Variants in SCARB2 observed in about 807,000 individuals in gnomAD.
SCARB2 encodes scavenger receptor class B member 2.
A neutral mutation model predicts 58.6 loss-of-function variants in SCARB2; 29 were observed. The ratio of observed to expected loss-of-function variants is 0.49; its 90% confidence interval spans 0.37 to 0.67. The LOEUF (loss-of-function observed/expected upper bound fraction) is 0.67. Ranked by LOEUF, SCARB2 falls within the 30% of genes least tolerant of loss-of-function variation. SCARB2 has a pLI of 0.00. For missense variants in SCARB2, 488 were observed against 578.5 expected (o/e 0.84, Z 1.60); for synonymous variants, 195 against 210.1 (o/e 0.93, Z 0.62).
chr4:76,177,080 C>G (rs1049150021), intron 4 of SCARB2: 1 of 152,380 alleles, frequency 6.6e-6, no homozygotes, highest in Non-Finnish European at 1.5e-5. Context: ...TAGGGCCTAA[C>G]TGCTACACAA....
rs1373775213 is a variant in SCARB2, at chr4:76,163,388, A to G, written c.1240-5T>C. The G allele has an allele frequency of 6.2e-7, 1 of 1,614,144 alleles. No homozygotes were observed. The highest frequency in any genetic ancestry group is 1.1e-5 in the South Asian group (1 of 91,082). On this transcript the variant is annotated splice_polypyrimidine_tract_variant and splice_region_variant and intron_variant, in intron 10 of 11. Coordinates refer to ENST00000264896, the MANE Select transcript of SCARB2 (RefSeq NM_005506.4). ...CTCTTTATCAATGTGAACACTCTGG[A>G]GAGGCAAGAAAATAGTATTCTTGAT...
intron 1 of SCARB2, among the ~76,000 whole-genome samples, chr4:76,199,861 TG>T (rs1016283051): frequency 6.6e-6 from 1 of 152,204 alleles, no homozygotes; most frequent in Admixed American, 6.5e-5. Flanking sequence ...AGTATGCTAA[TG>T]GGTCCAAAGA....
chr4:76,214,222 C>G, upstream of SCARB2: 1 of 454,562 alleles, frequency 2.2e-6, no homozygotes, highest in African/African-American at 2.0e-5. Context: ...GACACCGTTA[C>G]CGCAATTACA....
At chr4:76,214,602 A>T (rs1733164672), upstream of SCARB2, among the ~76,000 whole-genome samples, 1 of 152,182 alleles carries the variant, frequency 6.6e-6, no homozygotes, top group Admixed American at 6.5e-5. Flanking sequence ...GAAGGAGCTT[A>T]AAGCAGGCAT....
chr4:76,213,733 G>A lies in SCARB2; in HGVS notation c.-190C>T, dbSNP rs754587701. The A allele has an allele frequency of 1.5e-4, 72 of 491,576 alleles. No homozygotes were observed. The highest frequency in any genetic ancestry group is 5.5e-4 in the Middle Eastern group (1 of 1,830). The allele number at this position is 491,576 out of a possible 1,614,324, so 30.5% of individuals were successfully genotyped here. ...GCGAGCGCGGCCCCGGGTGCACCGG[G>A]CGGATGGGGCCGCGGAGGGACGGGC... On this transcript the variant is annotated 5_prime_UTR_variant, in exon 1 of 12. Transcript: ENST00000264896.
chr4:76,183,368 T>G (rs1177722936), intron 2 of SCARB2, among the ~76,000 whole-genome samples: 4 of 152,226 alleles, frequency 2.6e-5, no homozygotes, highest in African/African-American at 4.8e-5. Context: ...CTGTTTTACC[T>G]GTGCTTCTGA....
At chr4:76,233,586 GCACACACACA>G (rs34421184) in intron 1 of SCARB2, among the ~76,000 whole-genome samples, 1 of 150,762 alleles carries the variant, frequency 6.6e-6, no homozygotes, top group Non-Finnish European at 1.5e-5. Context: ...ACACACACAC[GCACACACACA>G]CACACACATA....
In SCARB2 at chr4:76,160,662, A is replaced by G. The variant is rs967831686; in HGVS notation, c.*1051T>C. ...AACTGAGGAAGGAACTTGTAAAAAG[A>G]ACTTCAAAATTACCAAGAAGGCGGC... On this transcript the variant is annotated 3_prime_UTR_variant, in exon 12 of 12. Coordinates refer to ENST00000264896, the MANE Select transcript of SCARB2 (RefSeq NM_005506.4). The G allele has an allele frequency of 2.0e-5, 3 of 152,234 alleles. No individual in the cohort carries two copies. Among genetic ancestry groups the G allele is most frequent in the Non-Finnish European group, 2.9e-5 (2 of 68,042 alleles). 9.4% of individuals were successfully genotyped at this position (152,234 alleles called of 1,614,324 possible). A position where few individuals can be genotyped will look rare whatever the true frequency, so the allele number is the denominator to read the frequency against.
In SCARB2 at chr4:76,160,684, CGG is replaced by C. The variant is rs1731878376; in HGVS notation, c.*1027_*1028del. The C allele has an allele frequency of 3.3e-5, 5 of 151,580 alleles. No homozygotes were observed. In the South Asian group the frequency reaches 8.3e-4, roughly 25 times the overall value. 9.4% of individuals were successfully genotyped at this position (151,580 alleles called of 1,614,324 possible). A position where few individuals can be genotyped will look rare whatever the true frequency, so the allele number is the denominator to read the frequency against. On this transcript the variant is annotated 3_prime_UTR_variant, in exon 12 of 12. Coordinates refer to ENST00000264896, the MANE Select transcript of SCARB2 (RefSeq NM_005506.4). ...AAGAACTTCAAAATTACCAAGAAGGCGGCTGTCCCAGAAGAAATATCTCTTTA... is the reference window on the plus strand; with the variant it reads ...AAGAACTTCAAAATTACCAAGAAGGCCTGTCCCAGAAGAAATATCTCTTTA...
chr4:76,171,570 G>C (rs749637954), intron 7 of SCARB2, among the ~76,000 whole-genome samples: 2 of 152,190 alleles, frequency 1.3e-5, no homozygotes, highest in African/African-American at 2.4e-5. Flanking sequence ...AGAGGAAAAG[G>C]ATTGTAGCAA....
exon 1 of SCARB2, chr4:76,234,354 T>C (rs6837231): frequency 0.71 from 109,000 of 152,638 alleles, 40,326 homozygotes; most frequent in East Asian, 0.81. Context: ...ACTTTTCCTT[T>C]GTGAAGCTAA....
intron 4 of SCARB2, among the ~76,000 whole-genome samples, chr4:76,178,294 A>T (rs1338255603): frequency 6.6e-6 from 1 of 152,250 alleles, no homozygotes; most frequent in Non-Finnish European, 1.5e-5. Flanking sequence ...AGGAGTGAAC[A>T]ATTGTTGAGT....
At chr4:76,203,492 T>C (rs1578737748) in intron 1 of SCARB2, among the ~76,000 whole-genome samples, 1 of 152,256 alleles carries the variant, frequency 6.6e-6, no homozygotes, top group Non-Finnish European at 1.5e-5. Context: ...ATCTTCTTGT[T>C]TGAACTTGCA....
At position 76,192,491 on chromosome 4, in the gene SCARB2, G is replaced by A. The variant is rs181105105; in HGVS notation, c.275+3216C>T. 3 of 152,308 alleles carry A rather than the reference G, an allele frequency of 2.0e-5. No homozygotes were observed. The East Asian group carries it at 5.8e-4, about 29-fold the overall frequency. 9.4% of individuals were successfully genotyped at this position (152,308 alleles called of 1,614,324 possible). A position where few individuals can be genotyped will look rare whatever the true frequency, so the allele number is the denominator to read the frequency against. On this transcript the variant is annotated intron_variant, in intron 2 of 11. Coordinates refer to ENST00000264896, the MANE Select transcript of SCARB2 (RefSeq NM_005506.4). Reference sequence around the variant, plus strand: ...CTGGCAGAGATTTCTAGGCAGCAAAGCATTCAAGATGTCGCCTGGCTGCTT... The same window carrying A: ...CTGGCAGAGATTTCTAGGCAGCAAAACATTCAAGATGTCGCCTGGCTGCTT...
At chr4:76,227,312 G>A (rs1733415343) in intron 1 of SCARB2, among the ~76,000 whole-genome samples, 2 of 152,116 alleles carry the variant, frequency 1.3e-5, no homozygotes, top group South Asian at 4.1e-4. Context: ...GATCATTCAG[G>A]AGTAGATTAT....
chr4:76,209,401 C>A (rs188291673), intron 1 of SCARB2, among the ~76,000 whole-genome samples: 59 of 152,160 alleles, frequency 3.9e-4, no homozygotes, highest in Admixed American at 7.8e-4. Flanking sequence ...CAGAGTCTTG[C>A]TCTGTCGCCC....
chr4:76,166,893 G>C (rs1732020244), intron 9 of SCARB2: 1 of 153,660 alleles, frequency 6.5e-6, no homozygotes, highest in East Asian at 1.9e-4. Flanking sequence ...CTCGGAAATA[G>C]ATATGCAGAT....
At chr4:76,169,561 G>A (rs1434287410) in intron 8 of SCARB2, among the ~76,000 whole-genome samples, 1 of 152,176 alleles carries the variant, frequency 6.6e-6, no homozygotes, top group African/African-American at 2.4e-5. Context: ...TGAGGTCCAA[G>A]GCTAGCATCA....
intron 1 of SCARB2, among the ~76,000 whole-genome samples, chr4:76,196,843 GC>G (rs1395365416): frequency 2.0e-5 from 3 of 152,160 alleles, no homozygotes; most frequent in African/African-American, 7.2e-5. Context: ...GATGAATAAT[GC>G]CCCCCATACT....
Sources: allele counts gnomAD v4.1 joint callset (sites outside exome capture counted in the v4.1 genomes callset), GRCh38; gene constraint gnomAD v4.1.1; transcripts MANE v1.5; gene names NCBI Gene and HGNC (gene_info 2026-07-23, HGNC 2026-07-21).